Variants in HDAC9 observed in about 807,000 individuals in gnomAD.
HDAC9 encodes MEF-2 interacting transcription repressor (MITR) protein.
A neutral mutation model predicts 139.4 loss-of-function variants in HDAC9; 41 were observed. The observed-to-expected ratio is 0.29, with a 90% confidence interval of 0.23 to 0.38. The LOEUF (loss-of-function observed/expected upper bound fraction) is 0.38, where lower values mean the gene tolerates loss of function less well. Among genes scored for constraint, HDAC9 ranks in the 10% least tolerant of loss-of-function variants. HDAC9 has a pLI of 1.00. For synonymous variants in HDAC9, 517 were observed against 476.2 expected, an observed-to-expected ratio of 1.09 and a Z score of -1.12; for missense variants, 1,147 against 1,297.0, an observed-to-expected ratio of 0.88 and a Z score of 1.78.
chr7:18,892,626 G>T (rs1020276261), intron 22 of HDAC9: 1 of 152,092 alleles, frequency 6.6e-6, no homozygotes, highest in Non-Finnish European at 1.5e-5. Flanking sequence ...CCACTGTAAG[G>T]TCTTGAGCCC....
At chr7:18,650,518 G>A (rs901450364) in intron 11 of HDAC9, among the ~76,000 whole-genome samples, 3 of 152,168 alleles carry the variant, frequency 2.0e-5, no homozygotes, top group African/African-American at 7.2e-5. Flanking sequence ...TTCAGATGGT[G>A]TGCTAATATC....
At chr7:18,880,846 G>A (rs1032164171) in intron 22 of HDAC9, among the ~76,000 whole-genome samples, 9 of 132,066 alleles carry the variant, frequency 6.8e-5, no homozygotes, top group African/African-American at 1.8e-4. Flanking sequence ...TAGTTGCCGG[G>A]GGGGGGGGAA....
At chr7:18,435,627 G>A (rs1269570826) in intron 1 of HDAC9, among the ~76,000 whole-genome samples, 2 of 150,570 alleles carry the variant, frequency 1.3e-5, no homozygotes, top group Admixed American at 6.6e-5. Context: ...GGGTACATGT[G>A]CAGGTTTGTT....
At chr7:18,316,633 CAA>C (rs10641889) in intron 1 of HDAC9, among the ~76,000 whole-genome samples, 1 of 100,318 alleles carries the variant, frequency 1.0e-5, no homozygotes, top group Non-Finnish European at 1.9e-5. Flanking sequence ...CAGATCTCTC[CAA>C]AAAAAAAAAA....
intron 2 of HDAC9, among the ~76,000 whole-genome samples, chr7:18,171,353 G>A (rs957123081): frequency 9.8e-5 from 15 of 152,290 alleles, no homozygotes; most frequent in African/African-American, 3.4e-4. Flanking sequence ...GGGCTGAGAT[G>A]ATGGGGTTTT....
intron 1 of HDAC9, among the ~76,000 whole-genome samples, chr7:18,383,429 C>A (rs1411875021): frequency 6.6e-6 from 1 of 152,066 alleles, no homozygotes; most frequent in African/African-American, 2.4e-5. Context: ...CATTTTGGCA[C>A]CCTGTTCAGG....
At chr7:18,430,553 C>CAT (rs1037954032) in intron 1 of HDAC9, 1 of 152,056 alleles carries the variant, frequency 6.6e-6, no homozygotes, top group Admixed American at 6.5e-5. Flanking sequence ...TATCTACACA[C>CAT]ATACAAATAA....
intron 2 of HDAC9, among the ~76,000 whole-genome samples, chr7:18,245,967 A>G (rs766679547): frequency 1.3e-5 from 2 of 151,854 alleles, no homozygotes; most frequent in Non-Finnish European, 2.9e-5. Flanking sequence ...AAGAGCATTA[A>G]TTCACAGATA....
chr7:18,830,727 G>A (rs114915185), intron 19 of HDAC9, among the ~76,000 whole-genome samples: 1 of 152,168 alleles, frequency 6.6e-6, no homozygotes, highest in Non-Finnish European at 1.5e-5. Context: ...CAAGCACTTT[G>A]GAGAGAAGAG....
At chr7:18,292,355 G>A (rs1406711840) in intron 1 of HDAC9, among the ~76,000 whole-genome samples, 1 of 152,074 alleles carries the variant, frequency 6.6e-6, no homozygotes, top group African/African-American at 2.4e-5. Context: ...CAAGAAATAG[G>A]TTTGTTCAAA....
At chr7:18,961,636 C>A (rs1423829354) in intron 24 of HDAC9, among the ~76,000 whole-genome samples, 2 of 152,046 alleles carry the variant, frequency 1.3e-5, no homozygotes, top group African/African-American at 2.4e-5. Flanking sequence ...AAGATGATAG[C>A]AAATAATAAA....
intron 2 of HDAC9, among the ~76,000 whole-genome samples, chr7:18,551,953 A>T (rs1023201154): frequency 1.3e-5 from 2 of 152,152 alleles, no homozygotes; most frequent in Non-Finnish European, 2.9e-5. Context: ...TCTTATCTTT[A>T]TTATGATCAC....
In HDAC9 at chr7:18,935,791, C is replaced by G; in HGVS notation, c.2804-18C>G. ...TCTTGATTTAATACTTTGAAATGTT[C>G]TGTTTGTATTATGGTAGGTTTTGGT... On this transcript the variant is annotated intron_variant, in intron 22 of 25. Coordinates refer to ENST00000686413, the MANE Select transcript of HDAC9 (RefSeq NM_178425.4). 1 of 1,607,060 alleles carries G rather than the reference C, an allele frequency of 6.2e-7. No individual in the cohort carries two copies. The highest frequency in any genetic ancestry group is 8.5e-7 in the Non-Finnish European group (1 of 1,174,826).
intron 2 of HDAC9, among the ~76,000 whole-genome samples, chr7:18,572,314 AAT>A (rs1361258697): frequency 1.3e-5 from 2 of 150,932 alleles, no homozygotes; most frequent in African/African-American, 4.9e-5. Context: ...CATATTCATA[AAT>A]ATGTCATATT....
chr7:18,819,276 T>A (rs1219047377), intron 17 of HDAC9, among the ~76,000 whole-genome samples: 2 of 152,136 alleles, frequency 1.3e-5, no homozygotes, highest in Non-Finnish European at 2.9e-5. Flanking sequence ...CGAGACTCCA[T>A]CTAAAAATAA....
intron 22 of HDAC9, among the ~76,000 whole-genome samples, chr7:18,919,351 C>T (rs1803486617): frequency 6.6e-6 from 1 of 151,926 alleles, no homozygotes; most frequent in South Asian, 2.1e-4. Context: ...AAATAGTTTC[C>T]TTTAGGACTA....
chr7:18,779,097 C>T (rs1585022247), intron 16 of HDAC9, among the ~76,000 whole-genome samples: 1 of 152,026 alleles, frequency 6.6e-6, no homozygotes, highest in South Asian at 2.1e-4. Context: ...TTTTTCATCT[C>T]ACCATGACTA....
chr7:18,729,804 C>T (rs1469256563), intron 13 of HDAC9, among the ~76,000 whole-genome samples: 2 of 152,122 alleles, frequency 1.3e-5, no homozygotes, highest in Non-Finnish European at 2.9e-5. Context: ...TCCTTGTCCA[C>T]ATGAGATATT....
chr7:18,516,987 A>C (rs895509160), intron 2 of HDAC9, among the ~76,000 whole-genome samples: 2 of 152,030 alleles, frequency 1.3e-5, no homozygotes, highest in Non-Finnish European at 2.9e-5. Flanking sequence ...AAGACATCTG[A>C]TTTTAGGCTT....
Sources: allele counts gnomAD v4.1 joint callset (sites outside exome capture counted in the v4.1 genomes callset), GRCh38; gene constraint gnomAD v4.1.1; transcripts MANE v1.5; gene names NCBI Gene and HGNC (gene_info 2026-07-23, HGNC 2026-07-21).